Variants in HELZ observed in about 807,000 individuals in gnomAD.
The protein encoded by HELZ is ATP-dependent RNA helicase with zinc finger domain.
In HELZ, 23 loss-of-function variants were observed where a neutral mutation model predicts 218.2. The observed-to-expected ratio is 0.11, with a 90% CI of 0.08 to 0.15. HELZ has a LOEUF of 0.15. Ranked by LOEUF, HELZ falls within the 10% of genes least tolerant of loss-of-function variation. HELZ has a pLI of 1.00. For synonymous variants in HELZ, 814 were observed against 829.4 expected (o/e 0.98, Z 0.32); for missense variants, 1,813 against 2,353.7 (o/e 0.77, Z 4.75).
At chr17:67,122,206 C>T (rs1018374162) in intron 26 of HELZ, among the ~76,000 whole-genome samples, 2 of 151,918 alleles carry the variant, frequency 1.3e-5, no homozygotes, top group Non-Finnish European at 2.9e-5. Flanking sequence ...AGTTTGAGAC[C>T]AGCCTGACCA....
chr17:67,094,101 T>C (rs2036658852), intron 31 of HELZ, among the ~76,000 whole-genome samples: 1 of 151,246 alleles, frequency 6.6e-6, no homozygotes, highest in Non-Finnish European at 1.5e-5. Flanking sequence ...GTGGGCAGAG[T>C]GCTTAAGTTC....
In HELZ at chr17:67,217,958, G is replaced by A. The variant is rs376478416; in HGVS notation, c.210+637C>T. ...TTTTTTTTTTTTAAGACGGAGTCTC[G>A]GAGTCTCGCCCTGTTGCCCAGGCTG... On this transcript the variant is annotated intron_variant, in intron 4 of 32. Transcript: ENST00000358691. 9.5e-5 allele frequency among the ~76,000 whole-genome samples: 14 copies of A among 146,750 alleles called. No homozygotes were observed. The East Asian group carries it at 1.6e-3, about 17-fold the overall frequency.
chr17:67,218,904 CTTAA>C (rs1266185604), intron 3 of HELZ, 82 bp from the exon 4 acceptor site: 11 of 947,748 alleles, frequency 1.2e-5, no homozygotes, highest in African/African-American at 1.6e-5. Flanking sequence ...TCTCAGCTGG[CTTAA>C]TTATCTATCT....
chr17:67,114,388 T>C lies in HELZ; in HGVS notation c.3854A>G (p.Asn1285Ser). The C allele has an allele frequency of 1.2e-6, 2 of 1,605,262 alleles. No homozygotes were observed. The highest frequency in any genetic ancestry group is 1.7e-6 in the Non-Finnish European group (2 of 1,172,148). ...CTTATTAATTTCAGGTCCGGAATTATTTGTATCACTTTTACCTAAGAAAAT... is the reference window on the plus strand; with the variant it reads ...CTTATTAATTTCAGGTCCGGAATTACTTGTATCACTTTTACCTAAGAAAAT... ...EQNRNGKSDTNNSGPEINKIR... is the reference protein window; with the variant it reads ...EQNRNGKSDTSNSGPEINKIR... Residue 1285 changes from asparagine (N) to serine (S), a missense_variant, in exon 28 of 33, where the codon AAT becomes AGT. By Grantham distance (46) the Asn-to-Ser change is conservative. Transcript: ENST00000358691.
chr17:67,144,251 T>C (rs985594649), intron 21 of HELZ, among the ~76,000 whole-genome samples: 4 of 152,090 alleles, frequency 2.6e-5, no homozygotes, highest in African/African-American at 9.7e-5. Context: ...CACTGGTATT[T>C]AGCTGAGGTG....
chr17:67,102,665 C>T (rs1405986988), intron 31 of HELZ, among the ~76,000 whole-genome samples: 1 of 152,166 alleles, frequency 6.6e-6, no homozygotes, highest in Non-Finnish European at 1.5e-5. Context: ...TGAGATGATT[C>T]ATGCAAAAGC....
chr17:67,216,223 T>C (rs1346601201), intron 4 of HELZ, among the ~76,000 whole-genome samples: 1 of 152,150 alleles, frequency 6.6e-6, no homozygotes, highest in Non-Finnish European at 1.5e-5. Context: ...CTGAGAAAAC[T>C]GAAGCCACAA....
At chr17:67,085,841 A>G (rs577235933) in intron 32 of HELZ, among the ~76,000 whole-genome samples, 5 of 152,338 alleles carry the variant, frequency 3.3e-5, no homozygotes, top group African/African-American at 1.2e-4. Flanking sequence ...CAGAGGAAAG[A>G]TCAAAGCGCA....
chr17:67,222,158 A>T (rs141180971), intron 3 of HELZ, among the ~76,000 whole-genome samples: 1,627 of 152,188 alleles, frequency 0.011, 20 homozygotes, highest in South Asian at 0.018. Context: ...AGCTGAAATC[A>T]CTTTACTGAT....
rs1018319276 is a variant in HELZ, at chr17:67,076,819, T to C, written c.*1433A>G. 2.6e-5 allele frequency: 4 copies of C among 152,362 alleles called. No individual in the cohort carries two copies. Among genetic ancestry groups the C allele is most frequent in the African/African-American group, 7.2e-5 (3 of 41,582 alleles). The allele number at this position is 152,362 out of a possible 1,614,324, so 9.4% of individuals were successfully genotyped here. A position where few individuals can be genotyped will look rare whatever the true frequency, so the allele number is the denominator to read the frequency against. ...GTTTTTGAATGGATCATCAGGAAGA[T>C]TGGGTTCATTCGAAAGGTTCCCCAG... is the stretch of plus-strand genomic sequence containing the variant. On this transcript the variant is annotated 3_prime_UTR_variant, in exon 33 of 33. Coordinates refer to ENST00000358691, the MANE Select transcript of HELZ (RefSeq NM_014877.4).
At chr17:67,208,648 G>A (rs972787274) in intron 5 of HELZ, among the ~76,000 whole-genome samples, 13 of 152,000 alleles carry the variant, frequency 8.6e-5, no homozygotes, top group African/African-American at 2.4e-4. Context: ...TGGGTGCAGC[G>A]GTTCACATAT....
chr17:67,160,785 C>CATGTTTT (rs2144111001), intron 16 of HELZ, 112 bp downstream of exon 16: 1 of 733,888 alleles, frequency 1.4e-6, no homozygotes, highest in Admixed American at 3.6e-5. Context: ...CTCTTTTTTT[C>CATGTTTT]ATGTTTAAGA....
intron 3 of HELZ, among the ~76,000 whole-genome samples, chr17:67,228,206 T>C (rs555582665): frequency 1.3e-5 from 2 of 152,344 alleles, no homozygotes; most frequent in South Asian, 4.1e-4. Flanking sequence ...AAGATATCTT[T>C]ACTTACTAGG....
At chr17:67,119,805 A>C (rs1598264170) in intron 27 of HELZ, among the ~76,000 whole-genome samples, 1 of 152,054 alleles carries the variant, frequency 6.6e-6, no homozygotes, top group African/African-American at 2.4e-5. Flanking sequence ...TTAAATGACT[A>C]CCATTTTAAA....
At position 67,108,145 on chromosome 17, in the gene HELZ, C is replaced by T. The variant is rs141426668; in HGVS notation, c.4724+347G>A. On this transcript the variant is annotated intron_variant, in intron 30 of 32. Coordinates refer to ENST00000358691, the MANE Select transcript of HELZ (RefSeq NM_014877.4). This position sits in a 1 kb window ranked among gnomAD's most constrained non-coding sequence, Gnocchi z 4.1. The stretch of plus-strand genomic sequence containing the variant: ...TGATATAATTTTTAGCTTTTAACCA[C>T]GAATTTACTCCTGTCTTTATTCATT... Among the ~76,000 whole-genome samples, 37 of 152,282 alleles carry T rather than the reference C, an allele frequency of 2.4e-4. No homozygotes were observed. In the East Asian group the frequency reaches 5.8e-3, roughly 24 times the overall value.
At chr17:67,223,630 T>C (rs1284956712) in intron 3 of HELZ, among the ~76,000 whole-genome samples, 1 of 152,020 alleles carries the variant, frequency 6.6e-6, no homozygotes. Flanking sequence ...CACATGCCTG[T>C]AGTCCCAGCT....
chr17:67,200,119 T>C (rs12601506), intron 7 of HELZ, among the ~76,000 whole-genome samples: 45,512 of 152,148 alleles, frequency 0.3, 7,912 homozygotes, highest in East Asian at 0.69. Flanking sequence ...ACCTAGCACA[T>C]AGGCAATTTT....
chr17:67,169,328 A>C (rs984026430), intron 13 of HELZ, among the ~76,000 whole-genome samples: 3 of 152,172 alleles, frequency 2.0e-5, no homozygotes, highest in Admixed American at 6.5e-5. Flanking sequence ...ACAGCTCTGG[A>C]GAATAGAAAG....
chr17:67,119,993 C>CTTTTCTTTTTTTTTTT (rs2037551032), intron 27 of HELZ: 2 of 139,246 alleles, frequency 1.4e-5, no homozygotes, highest in Admixed American at 1.5e-4. Flanking sequence ...TCTCCCTTTT[C>CTTTTCTTTTTTTTTTT]TTTTTTTTTT....
Sources: allele counts gnomAD v4.1 joint callset (sites outside exome capture counted in the v4.1 genomes callset), GRCh38; gene constraint gnomAD v4.1.1; non-coding constraint Gnocchi (gnomAD v3.1); transcripts MANE v1.5; gene names NCBI Gene and HGNC (gene_info 2026-07-23, HGNC 2026-07-21).